The following DLGAP2 variants were observed in gnomAD, a reference collection of about 807,000 sequenced individuals.
The protein encoded by DLGAP2 is DLG associated protein 2.
DLGAP2 carries 26 observed loss-of-function variants against 100.3 expected under a neutral mutation model. That is an observed-to-expected ratio of 0.26 (90% CI 0.19 to 0.36). DLGAP2 has a LOEUF of 0.36. Ranked by LOEUF, DLGAP2 falls within the 10% of genes least tolerant of loss-of-function variation. The probability of loss-of-function intolerance (pLI) is 1.00; values close to 1 mark genes in which losing one functional copy is unlikely to be tolerated. For synonymous variants in DLGAP2, 886 were observed against 630.1 expected, an observed-to-expected ratio of 1.41 and a Z score of -6.08; for missense variants, 1,858 against 1,453.2, an observed-to-expected ratio of 1.28 and a Z score of -4.53.
At chr8:1,308,269 A>T (rs1299347215) in intron 3 of DLGAP2, among the ~76,000 whole-genome samples, 1 of 152,220 alleles carries the variant, frequency 6.6e-6, no homozygotes, top group Admixed American at 6.5e-5. Flanking sequence ...TCAACATACT[A>T]GCTTGAAACA....
At chr8:1,424,437 A>G (rs899544834) in intron 3 of DLGAP2, among the ~76,000 whole-genome samples, 4 of 152,246 alleles carry the variant, frequency 2.6e-5, no homozygotes, top group African/African-American at 9.6e-5. Flanking sequence ...ATGAAATAAT[A>G]AAATGAAAAT....
At chr8:1,132,983 G>A (rs1432653482) in intron 2 of DLGAP2, among the ~76,000 whole-genome samples, 2 of 152,162 alleles carry the variant, frequency 1.3e-5, no homozygotes, top group Non-Finnish European at 2.9e-5. Context: ...TAGAGCAAAG[G>A]GCAATCCTTG....
At chr8:1,274,823 A>G (rs1487199126) in intron 3 of DLGAP2, among the ~76,000 whole-genome samples, 1 of 149,718 alleles carries the variant, frequency 6.7e-6, no homozygotes, top group Non-Finnish European at 1.5e-5. Context: ...GAGGCAAGAA[A>G]CCCTCTTTCT....
chr8:861,295 G>C (rs1797385542), intron 1 of DLGAP2, among the ~76,000 whole-genome samples: 1 of 152,174 alleles, frequency 6.6e-6, no homozygotes, highest in South Asian at 2.1e-4. Flanking sequence ...GTTAGGTACA[G>C]ACACTGCCCC....
intron 2 of DLGAP2, among the ~76,000 whole-genome samples, chr8:1,164,013 C>T (rs1037366972): frequency 6.6e-6 from 1 of 152,218 alleles, no homozygotes; most frequent in East Asian, 1.9e-4. Context: ...TTTTCTTAGA[C>T]GAGACGCTTT....
intron 12 of DLGAP2, among the ~76,000 whole-genome samples, chr8:1,685,493 A>G (rs1467237049): frequency 6.6e-6 from 1 of 152,210 alleles, no homozygotes; most frequent in Non-Finnish European, 1.5e-5. Context: ...CATTTTGTGG[A>G]TCAGACTAAG....
chr8:927,334 TAAAA>T (rs1255091842), intron 2 of DLGAP2: 5 of 731,086 alleles, frequency 6.8e-6, no homozygotes, highest in Non-Finnish European at 8.4e-6. Context: ...ATTCAATGAC[TAAAA>T]ATGACCGTGA....
intron 1 of DLGAP2, chr8:893,062 AG>A (rs907512909): frequency 6.6e-6 from 1 of 152,192 alleles, no homozygotes; most frequent in Non-Finnish European, 1.5e-5. Flanking sequence ...GGGGCTAAAG[AG>A]GCTGCCTTTG....
chr8:829,992 C>T (rs1220721534), intron 1 of DLGAP2, among the ~76,000 whole-genome samples: 2 of 152,116 alleles, frequency 1.3e-5, no homozygotes, highest in Non-Finnish European at 2.9e-5. Flanking sequence ...TATTTGAGTA[C>T]TTAATTATTT....
At chr8:1,493,238 G>C (rs1015830174) in intron 3 of DLGAP2, among the ~76,000 whole-genome samples, 2 of 152,112 alleles carry the variant, frequency 1.3e-5, no homozygotes, top group Non-Finnish European at 2.9e-5. Context: ...TGGATGGAGC[G>C]CATAGAGGGC....
chr8:1,452,503 G>C (rs149765306), intron 3 of DLGAP2, among the ~76,000 whole-genome samples: 1 of 152,238 alleles, frequency 6.6e-6, no homozygotes, highest in Non-Finnish European at 1.5e-5. Context: ...TAGGATGCCC[G>C]ATGCTTCTGA....
chr8:788,033 G>T (rs978735929), intron 1 of DLGAP2, among the ~76,000 whole-genome samples: 2 of 152,238 alleles, frequency 1.3e-5, no homozygotes, highest in African/African-American at 4.8e-5. Flanking sequence ...GGCCACAGGG[G>T]TCTGCCCTTG....
chr8:1,319,035 C>T (rs1227700527), intron 3 of DLGAP2, among the ~76,000 whole-genome samples: 1 of 148,304 alleles, frequency 6.7e-6, no homozygotes, highest in South Asian at 2.2e-4. Context: ...AGCTCGGTGG[C>T]GAACAATGGG....
At chr8:1,411,534 C>G (rs1230513871) in intron 3 of DLGAP2, among the ~76,000 whole-genome samples, 1 of 152,192 alleles carries the variant, frequency 6.6e-6, no homozygotes, top group Non-Finnish European at 1.5e-5. Context: ...GAGTCATAAA[C>G]TGTGCCGGTA....
chr8:1,309,325 T>C (rs1349289659), intron 3 of DLGAP2, among the ~76,000 whole-genome samples: 1 of 152,070 alleles, frequency 6.6e-6, no homozygotes, highest in Non-Finnish European at 1.5e-5. Flanking sequence ...CAGTGAGGGA[T>C]AAAGAGAAAA....
At chr8:838,634 G>T (rs1005768078) in intron 1 of DLGAP2, among the ~76,000 whole-genome samples, 3 of 152,080 alleles carry the variant, frequency 2.0e-5, no homozygotes, top group Admixed American at 6.5e-5. Context: ...AAAGGGAAAA[G>T]CTCTTGTACA....
At chr8:977,363 G>A (rs184771840) in intron 2 of DLGAP2, among the ~76,000 whole-genome samples, 1 of 152,226 alleles carries the variant, frequency 6.6e-6, no homozygotes, top group Non-Finnish European at 1.5e-5. Context: ...GGTCAGGCAG[G>A]TAAACAATTT....
At chr8:1,079,544 G>C (rs1382785320) in intron 2 of DLGAP2, among the ~76,000 whole-genome samples, 1 of 152,142 alleles carries the variant, frequency 6.6e-6, no homozygotes, top group Non-Finnish European at 1.5e-5. Context: ...TCTATGTTTT[G>C]TGGTTTCGTC....
chr8:1,244,892 T>C (rs1385751965), intron 2 of DLGAP2, among the ~76,000 whole-genome samples: 1 of 152,082 alleles, frequency 6.6e-6, no homozygotes, highest in Non-Finnish European at 1.5e-5. Flanking sequence ...GTAAAAAAGG[T>C]TTCTATTTAG....
Sources: gnomAD v4.1 joint callset for allele counts (sites outside exome capture counted in the v4.1 genomes callset) on GRCh38, gnomAD v4.1.1 for gene constraint, MANE v1.5 for transcripts, NCBI Gene and HGNC (gene_info 2026-07-23, HGNC 2026-07-21) for gene names.